The following SEPTIN3 variants were observed in gnomAD, a reference collection of about 807,000 sequenced individuals.
The protein encoded by SEPTIN3 is neuronal-specific septin-3.
In SEPTIN3, 15 loss-of-function variants were observed where a neutral mutation model predicts 45.1. That is an observed-to-expected ratio of 0.33 (90% CI 0.22 to 0.51). The LOEUF is 0.51. Among genes scored for constraint, SEPTIN3 ranks in the 20% least tolerant of loss-of-function variants. The probability of loss-of-function intolerance (pLI) is 0.97; values close to 1 mark genes in which losing one functional copy is unlikely to be tolerated. For synonymous variants in SEPTIN3, 148 were observed against 164.8 expected, an observed-to-expected ratio of 0.90 and a Z score of 0.78; for missense variants, 289 against 457.2, an observed-to-expected ratio of 0.63 and a Z score of 3.35.
chr22:41,996,631 TCAGGA>T (rs1291435516), intron 11 of SEPTIN3: 4 of 1,243,610 alleles, frequency 3.2e-6, no homozygotes, highest in Non-Finnish European at 4.0e-6. Flanking sequence ...TAGGCACCTG[TCAGGA>T]CAGAACAGCA....
At chr22:41,989,005 G>T (rs1460530857) in intron 6 of SEPTIN3, among the ~76,000 whole-genome samples, 1 of 151,856 alleles carries the variant, frequency 6.6e-6, no homozygotes, top group Non-Finnish European at 1.5e-5. Context: ...GCGCAACTGT[G>T]GTCCCAGCTC....
chr22:41,994,508 C>A lies in SEPTIN3; in HGVS notation c.2412-113C>A. 6.4e-7 allele frequency: 1 copy of A among 1,555,090 alleles called. No individual in the cohort carries two copies. The highest frequency in any genetic ancestry group is 8.8e-7 in the Non-Finnish European group (1 of 1,140,054). On this transcript the variant is annotated intron_variant, in intron 10 of 11. Transcript: ENST00000644076. This position sits in a 1 kb window ranked among gnomAD's most constrained non-coding sequence, Gnocchi z 4.2. The stretch of plus-strand genomic sequence containing the variant: ...GAAGGTGCTGTAGAAGAATCCTTAG[C>A]TCCTGGGAGTGGTTCCCATTCACTG...
At position 41,982,800 on chromosome 22, in the gene SEPTIN3, AG is replaced by A. The variant is rs1435176409; in HGVS notation, c.1696+965del. Among the ~76,000 whole-genome samples the A allele has an allele frequency of 2.0e-5, 3 of 151,914 alleles. No homozygotes were observed. In the East Asian group the frequency reaches 5.8e-4, roughly 29 times the overall value. On this transcript the variant is annotated intron_variant, in intron 3 of 11. Transcript: ENST00000644076. ...CAGCTACTCTGGAGGCTGAGGCAGG[AG>A]AATCACTTGAACCTGGGAGGTGGAG...
At chr22:41,993,679 G>T (rs2078364724) in intron 9 of SEPTIN3, among the ~76,000 whole-genome samples, 1 of 151,540 alleles carries the variant, frequency 6.6e-6, no homozygotes. Context: ...TTTTAATAGA[G>T]GTGGGGGTCT....
chr22:41,997,533 C>G lies in SEPTIN3; in HGVS notation c.*566C>G, dbSNP rs1042477981. Reference sequence around the variant, plus strand: ...TTAAAAAATCACCACTTGTGGCTGTCCCAGAGTGCGGTTGTACATCCTCCC... The same window carrying G: ...TTAAAAAATCACCACTTGTGGCTGTGCCAGAGTGCGGTTGTACATCCTCCC... On this transcript the variant is annotated 3_prime_UTR_variant, in exon 12 of 12. Transcript: ENST00000644076. The G allele has an allele frequency of 6.6e-6, 1 of 152,436 alleles. No homozygotes were observed. The highest frequency in any genetic ancestry group is 1.5e-5 in the Non-Finnish European group (1 of 68,166). 9.4% of individuals were successfully genotyped at this position (152,436 alleles called of 1,614,324 possible). A position where few individuals can be genotyped will look rare whatever the true frequency, so the allele number is the denominator to read the frequency against.
intron 2 of SEPTIN3, among the ~76,000 whole-genome samples, chr22:41,979,806 A>G (rs548429832): frequency 6.6e-6 from 1 of 152,236 alleles, no homozygotes; most frequent in South Asian, 2.1e-4. Flanking sequence ...GTGGAGGGAG[A>G]TGAGAGTAGG....
chr22:41,986,203 C>A (rs1042693977), intron 4 of SEPTIN3, 91 bp downstream of exon 4: 1 of 1,472,022 alleles, frequency 6.8e-7, no homozygotes, highest in Non-Finnish European at 9.2e-7. Flanking sequence ...AGAATAAGAT[C>A]AATAAAAGGC....
intron 7 of SEPTIN3, 110 bp from the exon 8 acceptor site, chr22:41,991,463 T>TTTGGCTCTCTGA: frequency 5.2e-6 from 4 of 776,366 alleles, no homozygotes; most frequent in Non-Finnish European, 9.3e-6. Context: ...CTGTGGATTA[T>TTTGGCTCTCTGA]CCAAGGCTGG....
chr22:41,986,503 G>GT (rs2078210345), intron 4 of SEPTIN3, among the ~76,000 whole-genome samples: 3 of 150,752 alleles, frequency 2.0e-5, no homozygotes, highest in African/African-American at 7.3e-5. Context: ...TTGTTTGTTT[G>GT]TTGTTTGTTT....
At chr22:41,984,845 CTTTTTTTTTTTTTT>C (rs11380985) in intron 3 of SEPTIN3, among the ~76,000 whole-genome samples, 16 of 100,652 alleles carry the variant, frequency 1.6e-4, no homozygotes, top group Admixed American at 8.5e-4. Context: ...GTGGTTTTCC[CTTTTTTTTTTTTTT>C]TTTTTTTTTT....
At chr22:41,984,597 G>A (rs571517806) in intron 3 of SEPTIN3, among the ~76,000 whole-genome samples, 6 of 152,284 alleles carry the variant, frequency 3.9e-5, no homozygotes, top group African/African-American at 1.4e-4. Flanking sequence ...GTACAGTTGC[G>A]TGATCCCGGC....
intron 3 of SEPTIN3, among the ~76,000 whole-genome samples, chr22:41,984,134 G>A (rs1359909859): frequency 2.0e-5 from 3 of 152,146 alleles, no homozygotes. Flanking sequence ...CAGATAATCA[G>A]CAGGAATGAG....
At chr22:41,992,935 A>G (rs183758852) in intron 9 of SEPTIN3, among the ~76,000 whole-genome samples, 172 bp downstream of exon 9, 16 of 152,320 alleles carry the variant, frequency 1.1e-4, no homozygotes, top group Admixed American at 1.0e-3. Context: ...CACAGGCAGG[A>G]GTAACAAGAG....
In SEPTIN3 at chr22:41,994,779, C is replaced by T. The variant is rs1379358387; in HGVS notation, c.2505+65C>T. On this transcript the variant is annotated intron_variant, in intron 11 of 11. Coordinates refer to ENST00000644076, the MANE Select transcript of SEPTIN3 (RefSeq NM_001363845.2). The surrounding 1 kb of genome is among the most constrained non-coding windows in gnomAD (Gnocchi z 4.2). ...TGACGACCACTTCTCTGTGTCATCA[C>T]ACATACCCACTTCACACACACACAT... 5.6e-6 allele frequency: 9 copies of T among 1,613,396 alleles called. No homozygotes were observed. Among genetic ancestry groups the T allele is most frequent in the Non-Finnish European group, 7.6e-6 (9 of 1,179,930 alleles).
In SEPTIN3 at chr22:41,987,744, C is replaced by G. The variant is rs767158735; in HGVS notation, c.2030C>G (p.Ser677Cys). The G allele has an allele frequency of 6.2e-7, 1 of 1,613,884 alleles. No individual in the cohort carries two copies. Among genetic ancestry groups the G allele is most frequent in the Admixed American group, 1.7e-5 (1 of 60,028 alleles). Residue 677 changes from serine (S) to cysteine (C), a missense_variant, in exon 6 of 12, where the codon TCT (serine) becomes TGT (cysteine). Physicochemically the swap from Ser to Cys is moderately radical, Grantham distance 112. Around this residue, in one of 3 missense-constraint regions of SEPTIN3, gnomAD observed 200 missense variants for 315.1 expected, o/e 0.63. Coordinates refer to ENST00000644076, the MANE Select transcript of SEPTIN3 (RefSeq NM_001363845.2). ...GTCCACTGCTGCCTTTACTTCATCT[C>G]TCCCACAGGACACTCGTATGTACCA... ...TRVHCCLYFI[S>C]PTGHSLRPLD... is the part of the protein sequence containing the mutation.
chr22:41,987,976 C>A (rs887129429), intron 6 of SEPTIN3, among the ~76,000 whole-genome samples: 1 of 152,208 alleles, frequency 6.6e-6, no homozygotes, highest in African/African-American at 2.4e-5. Context: ...GAGGTTAAAG[C>A]TGTCCAACAT....
chr22:41,992,518 C>T lies in SEPTIN3; in HGVS notation c.2260-146C>T. The T allele has an allele frequency of 3.4e-6, 2 of 583,682 alleles. 1 individual carries two copies. Among genetic ancestry groups the T allele is most frequent in the Non-Finnish European group, 6.1e-6 (2 of 325,938 alleles). 36.2% of individuals were successfully genotyped at this position (583,682 alleles called of 1,614,324 possible). The stretch of plus-strand genomic sequence containing the variant: ...GCTCTTTTCAAGAGACTGAGCCTTG[C>T]CCTTGCCATCAGTAGTATCTCTGAA... On this transcript the variant is annotated intron_variant, in intron 8 of 11. Coordinates refer to ENST00000644076, the MANE Select transcript of SEPTIN3 (RefSeq NM_001363845.2).
At position 41,994,601 on chromosome 22, in the gene SEPTIN3, T is replaced by G; in HGVS notation, c.2412-20T>G. On this transcript the variant is annotated intron_variant, in intron 10 of 11. Transcript: ENST00000644076. This position sits in a 1 kb window ranked among gnomAD's most constrained non-coding sequence, Gnocchi z 4.2. ...CTGCCCCTAATTGCAGCCCTCTTCT[T>G]CTCACCCTGTGTCCTCTAGGACCCA... 1 of 1,613,856 alleles carries G rather than the reference T, an allele frequency of 6.2e-7. No individual in the cohort carries two copies. The highest frequency in any genetic ancestry group is 8.5e-7 in the Non-Finnish European group (1 of 1,179,934).
At chr22:41,980,130 T>C (rs13057618) in intron 2 of SEPTIN3, among the ~76,000 whole-genome samples, 5 of 101,220 alleles carry the variant, frequency 4.9e-5, no homozygotes, top group South Asian at 3.0e-4. Context: ...GCTCAGTGCC[T>C]TTTTTTTTTT....
Sources: gnomAD v4.1 joint callset for allele counts (sites outside exome capture counted in the v4.1 genomes callset) on GRCh38, gnomAD v4.1.1 for gene constraint, gnomAD v4.1.1 regional missense constraint, Gnocchi (gnomAD v3.1) non-coding constraint, MANE v1.5 for transcripts, NCBI Gene and HGNC (gene_info 2026-07-23, HGNC 2026-07-21) for gene names.